The following CTNNA3 variants were observed in gnomAD, a reference collection of about 807,000 sequenced individuals.
CTNNA3 encodes the protein catenin alpha 3.
A neutral mutation model predicts 95.7 loss-of-function variants in CTNNA3; 76 were observed. That is an observed-to-expected ratio of 0.79 (90% CI 0.66 to 0.96). The LOEUF is 0.96. CTNNA3 is among the 40% of genes least tolerant of loss of function. The pLI, the probability that CTNNA3 is intolerant of heterozygous loss-of-function variation, is 0.00. For missense variants in CTNNA3, 1,191 were observed against 1,089.8 expected, an observed-to-expected ratio of 1.09 and a Z score of -1.31; for synonymous variants, 431 against 374.4, an observed-to-expected ratio of 1.15 and a Z score of -1.74.
chr10:67,750,410 A>G (rs1841400549), intron 1 of CTNNA3: 2 of 1,486,074 alleles, frequency 1.3e-6, no homozygotes, highest in Non-Finnish European at 1.9e-6. Flanking sequence ...ATATCGCCAC[A>G]TTGACTGTGC....
At chr10:66,081,975 G>A (rs1365362774) in intron 14 of CTNNA3, among the ~76,000 whole-genome samples, 1 of 151,902 alleles carries the variant, frequency 6.6e-6, no homozygotes, top group Non-Finnish European at 1.5e-5. Flanking sequence ...AAAATTAGCT[G>A]GGCATGGTGG....
chr10:66,011,784 T>G (rs2079009884), intron 15 of CTNNA3, among the ~76,000 whole-genome samples: 1 of 152,212 alleles, frequency 6.6e-6, no homozygotes. Context: ...CTTGTTTTAA[T>G]TGTAAAAGAG....
At chr10:66,449,871 A>G (rs764936207) in intron 11 of CTNNA3, among the ~76,000 whole-genome samples, 1 of 149,014 alleles carries the variant, frequency 6.7e-6, no homozygotes, top group Non-Finnish European at 1.5e-5. Context: ...AAATGACAGT[A>G]AAATACTGAA....
intron 10 of CTNNA3, among the ~76,000 whole-genome samples, chr10:66,593,793 C>G (rs1201439167): frequency 6.6e-6 from 1 of 152,068 alleles, no homozygotes; most frequent in Non-Finnish European, 1.5e-5. Context: ...TTCCACTATC[C>G]ACAATCTCGT....
intron 5 of CTNNA3, chr10:67,334,596 G>A: frequency 6.6e-6 from 1 of 152,530 alleles, no homozygotes; most frequent in Non-Finnish European, 1.5e-5. Context: ...ATTGCTGAGG[G>A]CTCGCCCTGT....
chr10:67,175,917 G>T (rs1341981447), intron 7 of CTNNA3, among the ~76,000 whole-genome samples: 1 of 151,920 alleles, frequency 6.6e-6, no homozygotes, highest in East Asian at 1.9e-4. Flanking sequence ...TTTTTCACAG[G>T]GCCTCGTTGC....
At position 67,242,517 on chromosome 10, in the gene CTNNA3, T is replaced by A. The variant is rs181999982; in HGVS notation, c.580-22647A>T. Among the ~76,000 whole-genome samples the A allele has an allele frequency of 1.4e-4, 22 of 152,178 alleles. No individual in the cohort carries two copies. The South Asian group carries it at 1.4e-3, about 10-fold the overall frequency. On this transcript the variant is annotated intron_variant, in intron 5 of 17. Transcript: ENST00000433211. ...CGTGAATAGGGCAGATGAAAGTAAA[T>A]AGGGAGTGGTGAGGCCTTGGCACAC...
intron 12 of CTNNA3, among the ~76,000 whole-genome samples, chr10:66,281,618 A>G (rs1246149478): frequency 6.6e-6 from 1 of 151,958 alleles, no homozygotes; most frequent in Non-Finnish European, 1.5e-5. Flanking sequence ...GATGTCGGGT[A>G]AAAAGATTAA....
chr10:66,215,970 C>A (rs968471094), intron 13 of CTNNA3, among the ~76,000 whole-genome samples: 1 of 152,220 alleles, frequency 6.6e-6, no homozygotes, highest in African/African-American at 2.4e-5. Context: ...GGCAAACTCT[C>A]AAGCCTCCTG....
chr10:66,644,270 CTGT>C (rs1564589652), intron 9 of CTNNA3, among the ~76,000 whole-genome samples: 4 of 104,450 alleles, frequency 3.8e-5, no homozygotes, highest in African/African-American at 1.7e-4. Flanking sequence ...CTCTGTCTGT[CTGT>C]CTGTCTGTCT....
intron 11 of CTNNA3, among the ~76,000 whole-genome samples, chr10:66,418,600 T>C (rs1254289117): frequency 1.4e-5 from 2 of 143,950 alleles, no homozygotes; most frequent in Non-Finnish European, 3.0e-5. Context: ...TAGGTCAATA[T>C]CTCTGATAAA....
chr10:66,060,649 G>A (rs138430243), intron 15 of CTNNA3, among the ~76,000 whole-genome samples: 287 of 152,088 alleles, frequency 1.9e-3, no homozygotes, highest in African/African-American at 6.7e-3. Context: ...TTAAACTTGG[G>A]GATGAAGAGA....
intron 7 of CTNNA3, among the ~76,000 whole-genome samples, chr10:66,903,339 A>G (rs868597530): frequency 6.6e-6 from 1 of 152,204 alleles, no homozygotes; most frequent in African/African-American, 2.4e-5. Context: ...CCTTCCTGCT[A>G]AAAACTCTCA....
intron 12 of CTNNA3, among the ~76,000 whole-genome samples, chr10:66,305,386 C>T (rs1425992960): frequency 2.0e-5 from 3 of 152,038 alleles, no homozygotes; most frequent in African/African-American, 7.2e-5. Context: ...ACATGAAAAA[C>T]TGAAAAGAAT....
rs372719135 is a variant in CTNNA3 at position 67,326,872 on chromosome 10, T to G, written c.580-107002A>C. 3.4e-4 allele frequency among the ~76,000 whole-genome samples: 52 copies of G among 152,338 alleles called. 1 individual carries two copies. The South Asian group carries it at 0.01, about 30-fold the overall frequency. ...TTCAGGGACAAAAATGAGTCACAGA[T>G]TTGGTCTCTTTACATAATCCCATAT... On this transcript the variant is annotated intron_variant, in intron 5 of 17. Transcript: ENST00000433211.
At chr10:67,534,798 A>C (rs573889534) in intron 4 of CTNNA3, among the ~76,000 whole-genome samples, 1 of 152,282 alleles carries the variant, frequency 6.6e-6, no homozygotes, top group East Asian at 1.9e-4. Context: ...GCTTGGAGAC[A>C]GAGTTGACCC....
chr10:66,013,347 C>G (rs1310240135), intron 15 of CTNNA3, among the ~76,000 whole-genome samples: 2 of 152,126 alleles, frequency 1.3e-5, no homozygotes, highest in Non-Finnish European at 2.9e-5. Flanking sequence ...TGCCTTTTGT[C>G]AAAAACTATA....
intron 11 of CTNNA3, among the ~76,000 whole-genome samples, chr10:66,436,973 T>C (rs1384089640): frequency 3.3e-5 from 5 of 152,086 alleles, no homozygotes; most frequent in African/African-American, 1.2e-4. Context: ...ATAAAAAATT[T>C]TGGGTTGAAA....
chr10:66,168,638 C>A (rs1300334419), intron 13 of CTNNA3, among the ~76,000 whole-genome samples: 3 of 152,184 alleles, frequency 2.0e-5, no homozygotes, highest in Non-Finnish European at 4.4e-5. Flanking sequence ...TCTAAACTAG[C>A]ACCTTGTCAT....
Sources: allele counts gnomAD v4.1 joint callset (sites outside exome capture counted in the v4.1 genomes callset), GRCh38; gene constraint gnomAD v4.1.1; transcripts MANE v1.5; gene names NCBI Gene and HGNC (gene_info 2026-07-23, HGNC 2026-07-21).